ARPC4: variants seen among roughly 807,000 people sequenced by gnomAD.
ARPC4 encodes the protein actin-related protein 2/3 complex subunit 4.
In ARPC4, 3 loss-of-function variants were observed where a neutral mutation model predicts 22.8. The observed-to-expected ratio is 0.13, with a 90% CI of 0.06 to 0.34. The LOEUF is 0.34. Among genes scored for constraint, ARPC4 ranks in the 10% least tolerant of loss-of-function variants. The probability of loss-of-function intolerance (pLI) is 1.00; values close to 1 mark genes in which losing one functional copy is unlikely to be tolerated. For synonymous variants in ARPC4, 80 were observed against 72.5 expected, an observed-to-expected ratio of 1.10 and a Z score of -0.52; for missense variants, 98 against 211.0, an observed-to-expected ratio of 0.46 and a Z score of 3.32.
At position 9,801,650 on chromosome 3, in the gene ARPC4, G is replaced by A. The variant is rs745409673; in HGVS notation, c.235-11G>A. The A allele has an allele frequency of 6.9e-6, 11 of 1,598,376 alleles. No individual in the cohort carries two copies. The highest frequency in any genetic ancestry group is 1.7e-4 in the Middle Eastern group (1 of 6,038). On this transcript the variant is annotated splice_polypyrimidine_tract_variant and intron_variant, in intron 3 of 5. Coordinates refer to ENST00000397261, the MANE Select transcript of ARPC4 (RefSeq NM_005718.5). ...AGCTTTAGAGAAACATTTCTCTCTT[G>A]CACTCCCCAGGCTGATGAGATCGAG...
chr3:9,805,621 A>G (rs1014243293), intron 5 of ARPC4, among the ~76,000 whole-genome samples: 2 of 152,216 alleles, frequency 1.3e-5, no homozygotes, highest in African/African-American at 4.8e-5. Flanking sequence ...CAACTAATTC[A>G]TATTGTTTTA....
rs2079104954 is a variant in ARPC4 at position 9,806,248 on chromosome 3, C to T, written c.*33C>T. ...GGCTGGATCTCGTGGCCTTCCCCCT[C>T]AGACTACCCATGTCTCCACGAAGGC... On this transcript the variant is annotated 3_prime_UTR_variant, in exon 6 of 6. Transcript: ENST00000397261. 2.5e-6 allele frequency: 4 copies of T among 1,611,056 alleles called. No individual in the cohort carries two copies. The highest frequency in any genetic ancestry group is 3.4e-6 in the Non-Finnish European group (4 of 1,177,310).
intron 4 of ARPC4, 144 bp from the exon 5 acceptor site, chr3:9,803,699 A>T: frequency 1.0e-6 from 1 of 956,888 alleles, no homozygotes; most frequent in Non-Finnish European, 1.7e-6. Context: ...TGGGCTGCTG[A>T]CTGGAAGGGT....
chr3:9,795,295 GT>G (rs886860192), intron 1 of ARPC4, among the ~76,000 whole-genome samples: 4 of 151,888 alleles, frequency 2.6e-5, no homozygotes, highest in African/African-American at 9.7e-5. Context: ...CCCCTGGGAA[GT>G]TTTTTTTCAG....
Position 9,800,175 on chromosome 3 carries a change from A to G in ARPC4, c.123-10A>G, listed in dbSNP as rs2125644456. ...TGTAGTACAAGTACTCTGTCACATT[A>G]TGTTTTCAGGAGTAGCAAAGAGCTC... On this transcript the variant is annotated splice_polypyrimidine_tract_variant and intron_variant, in intron 2 of 5. Transcript: ENST00000397261. 6.2e-7 allele frequency: 1 copy of G among 1,613,724 alleles called. No individual in the cohort carries two copies. The highest frequency in any genetic ancestry group is 8.5e-7 in the Non-Finnish European group (1 of 1,179,834).
chr3:9,798,041 C>G (rs918822808), intron 2 of ARPC4: 95 of 353,316 alleles, frequency 2.7e-4, no homozygotes, highest in Non-Finnish European at 2.5e-4. Flanking sequence ...TGAAGTCTCT[C>G]CTGTGGCATT....
In ARPC4 at chr3:9,800,120, C is replaced by T. The variant is rs908328478; in HGVS notation, c.123-65C>T. On this transcript the variant is annotated intron_variant, in intron 2 of 5. Coordinates refer to ENST00000397261, the MANE Select transcript of ARPC4 (RefSeq NM_005718.5). The stretch of plus-strand genomic sequence containing the variant: ...GGTCTCATAGTGATTCCAGGACCTG[C>T]GTGGGGTCACTCTGACTATTCTATC... The T allele has an allele frequency of 1.4e-5, 22 of 1,535,382 alleles. No homozygotes were observed. In the Admixed American group the frequency reaches 1.8e-4, roughly 13 times the overall value.
intron 4 of ARPC4, 78 bp from the exon 5 acceptor site, chr3:9,803,765 A>G (rs559113765): frequency 2.8e-6 from 4 of 1,451,364 alleles, no homozygotes; most frequent in Non-Finnish European, 3.8e-6. Context: ...AGTGGAGGAC[A>G]TGACCAGCTC....
chr3:9,792,769 C>A, upstream of ARPC4: 4 of 1,247,092 alleles, frequency 3.2e-6, 1 homozygote, highest in South Asian at 1.3e-4. Context: ...TCGTCCGCTT[C>A]GGCTTGTCCT....
intron 2 of ARPC4, among the ~76,000 whole-genome samples, chr3:9,798,814 C>T (rs71314364): frequency 0.015 from 2,280 of 152,286 alleles, 49 homozygotes; most frequent in East Asian, 0.057. Context: ...GCGGAGGTTG[C>T]AGTGAGCCAA....
At chr3:9,801,212 G>GAAAAAAAAAA (rs745696982) in intron 3 of ARPC4, among the ~76,000 whole-genome samples, 6 of 66,450 alleles carry the variant, frequency 9.0e-5, no homozygotes, top group Non-Finnish European at 1.1e-4. Flanking sequence ...TTCCATCTCA[G>GAAAAAAAAAA]AAAAAAAAAA....
chr3:9,797,569 T>C, intron 1 of ARPC4, 90 bp from the exon 2 acceptor site: 1 of 1,443,364 alleles, frequency 6.9e-7, no homozygotes, highest in South Asian at 1.3e-5. Context: ...CCCTCAGTGC[T>C]ACCTGGCTTC....
intron 1 of ARPC4, among the ~76,000 whole-genome samples, chr3:9,796,940 C>CAA (rs374104136): frequency 0.07 from 7,959 of 114,330 alleles, 487 homozygotes; most frequent in Admixed American, 0.16. Context: ...GACTCTGTCT[C>CAA]AAAAAAAAAA....
In ARPC4 at chr3:9,803,925, T is replaced by A; in HGVS notation, c.413T>A (p.Phe138Tyr). The stretch of plus-strand genomic sequence containing the variant: ...AAGTTGGTGGACTTTGTGATCCACT[T>A]CATGGAGGAGATTGACAAGGAGATC... Reference protein sequence around the residue: ...KHKLVDFVIHFMEEIDKEISE... With the variant: ...KHKLVDFVIHYMEEIDKEISE... The change falls in exon 5 of 6, where the codon TTC becomes TAC. Residue 138 changes from phenylalanine (F) to tyrosine (Y), a missense_variant. By Grantham distance (22) the Phe-to-Tyr change is conservative. Transcript: ENST00000397261. 1 of 1,614,226 alleles carries A rather than the reference T, an allele frequency of 6.2e-7. No individual in the cohort carries two copies. Among genetic ancestry groups the A allele is most frequent in the Non-Finnish European group, 8.5e-7 (1 of 1,180,050 alleles).
intron 1 of ARPC4, among the ~76,000 whole-genome samples, chr3:9,796,840 C>G (rs1053966311): frequency 1.3e-5 from 2 of 149,406 alleles, no homozygotes; most frequent in Non-Finnish European, 3.0e-5. Flanking sequence ...ACTTGGGAGG[C>G]TGAGGCAGGA....
intron 3 of ARPC4, 123 bp downstream of exon 3, chr3:9,800,419 T>C (rs1283130840): frequency 2.3e-6 from 2 of 863,342 alleles, no homozygotes; most frequent in Non-Finnish European, 3.5e-6. Context: ...GCAGGAAACC[T>C]AGCCTCTGCT....
At position 9,796,920 on chromosome 3, in the gene ARPC4, A is replaced by G. The variant is rs181359450; in HGVS notation, c.4-739A>G. Among the ~76,000 whole-genome samples, 150 of 148,014 alleles carry G rather than the reference A, an allele frequency of 1.0e-3. No individual in the cohort carries two copies. In the East Asian group the frequency reaches 0.023, roughly 23 times the overall value. On this transcript the variant is annotated intron_variant, in intron 1 of 5. Transcript: ENST00000397261. ...CGTGCCACCGCGCTCCAGCCTGGGC[A>G]ACAGAGCGAGACTCTGTCTCAAAAA...
chr3:9,799,209 T>A (rs1236733854), intron 2 of ARPC4, among the ~76,000 whole-genome samples: 1 of 152,200 alleles, frequency 6.6e-6, no homozygotes, highest in Non-Finnish European at 1.5e-5. Flanking sequence ...CCAAACTGTG[T>A]TCAATTTTAG....
chr3:9,796,504 G>T (rs182813466), intron 1 of ARPC4, among the ~76,000 whole-genome samples: 3 of 152,296 alleles, frequency 2.0e-5, no homozygotes. Flanking sequence ...ATTAAGCTGA[G>T]ATCTGGAGGA....
Sources: allele counts gnomAD v4.1 joint callset (sites outside exome capture counted in the v4.1 genomes callset), GRCh38; gene constraint gnomAD v4.1.1; transcripts MANE v1.5; gene names NCBI Gene and HGNC (gene_info 2026-07-23, HGNC 2026-07-21).